Variants in DMD observed in about 807,000 individuals in gnomAD.
DMD encodes dystrophin, also known as mutant dystrophin.
DMD carries 63 observed loss-of-function variants against 330.1 expected under a neutral mutation model. The observed-to-expected ratio is 0.19, with a 90% CI of 0.16 to 0.24. The LOEUF is 0.24. Ranked by LOEUF, DMD falls within the 10% of genes least tolerant of loss-of-function variation. The probability of loss-of-function intolerance (pLI) is 1.00; values close to 1 mark genes in which losing one functional copy is unlikely to be tolerated. For synonymous variants in DMD, 1,223 were observed against 959.8 expected (o/e 1.27, Z -5.07); for missense variants, 3,344 against 2,684.1 (o/e 1.25, Z -5.43).
At chrX:32,683,421 A>G (rs1414688905) in intron 9 of DMD, among the ~76,000 whole-genome samples, 1 of 109,924 alleles carries the variant, frequency 9.1e-6, no homozygotes, top group East Asian at 2.9e-4. Context: ...AGACTGGATT[A>G]AGAAAATGTG....
chrX:31,530,563 C>T (rs961530694), intron 55 of DMD, among the ~76,000 whole-genome samples: 14 of 107,759 alleles, frequency 1.3e-4, no homozygotes, highest in African/African-American at 4.8e-4. Flanking sequence ...CATCAAGTAC[C>T]AGAGAACATC....
At position 32,336,150 on chromosome X, in the gene DMD, G is replaced by A. The variant is rs749937503; in HGVS notation, c.5922+5950C>T. Among the ~76,000 whole-genome samples, 5 of 108,423 alleles carry A rather than the reference G, an allele frequency of 4.6e-5. No individual in the cohort carries two copies. In the East Asian group the frequency reaches 1.5e-3, roughly 32 times the overall value. 94.2% of individuals were successfully genotyped at this position (108,423 alleles called of 115,157 possible). A position where few individuals can be genotyped will look rare whatever the true frequency, so the allele number is the denominator to read the frequency against. On this transcript the variant is annotated intron_variant, in intron 41 of 78. Coordinates refer to ENST00000357033, the MANE Select transcript of DMD (RefSeq NM_004006.3). ...TAACATGTGCATACGTGTATAACATGTTATCTGTGTGTGTATAACATGTGT... is the reference window on the plus strand; with the variant it reads ...TAACATGTGCATACGTGTATAACATATTATCTGTGTGTGTATAACATGTGT...
chrX:31,594,670 T>C (rs2077031890), intron 55 of DMD, among the ~76,000 whole-genome samples: 1 of 111,334 alleles, frequency 9.0e-6, no homozygotes, highest in South Asian at 3.7e-4. Flanking sequence ...TAATCTTTGG[T>C]GGGATTTACC....
At chrX:33,179,901 G>T (rs1263274091) in intron 1 of DMD, among the ~76,000 whole-genome samples, 1 of 107,303 alleles carries the variant, frequency 9.3e-6, no homozygotes, top group African/African-American at 3.4e-5. Context: ...GAGGGCAATG[G>T]CACGATCTCA....
intron 1 of DMD, among the ~76,000 whole-genome samples, chrX:33,280,084 G>A (rs181007997): frequency 5.3e-4 from 53 of 99,110 alleles, no homozygotes; most frequent in Non-Finnish European, 9.7e-4. Flanking sequence ...CTGGGCTCAA[G>A]CGATTCTCAT....
chrX:32,603,946 T>C (rs1053494180), intron 12 of DMD, among the ~76,000 whole-genome samples: 2 of 111,022 alleles, frequency 1.8e-5, no homozygotes, highest in Non-Finnish European at 3.8e-5. Context: ...ACCAATCCTA[T>C]TGTAACTGTT....
At chrX:32,436,800 C>A (rs185569343) in intron 29 of DMD, among the ~76,000 whole-genome samples, 2,465 of 109,509 alleles carry the variant, frequency 0.023, 35 homozygotes, top group South Asian at 0.071. Context: ...CACACACACA[C>A]AAATAACCGG....
In DMD at chrX:32,831,649, C is replaced by CGTGTGTGT. The variant is rs6151283; in HGVS notation, c.265-8270_265-8263dup. Among the ~76,000 whole-genome samples, 255 of 89,757 alleles carry CGTGTGTGT rather than the reference C, an allele frequency of 2.8e-3. 1 individual carries two copies. The highest frequency in any genetic ancestry group is 8.7e-3 in the African/African-American group (205 of 23,695). The allele number at this position is 89,757 out of a possible 115,157, so 77.9% of individuals were successfully genotyped here. On this transcript the variant is annotated intron_variant, in intron 4 of 78. Coordinates refer to ENST00000357033, the MANE Select transcript of DMD (RefSeq NM_004006.3). ...GAGTTACATTCCTGTAAGATATTTA[C>CGTGTGTGT]GTGTGTGTGTGTGTGTGTGTGTGTG...
intron 1 of DMD, among the ~76,000 whole-genome samples, chrX:33,150,348 G>A (rs2048224030): frequency 9.8e-6 from 1 of 101,858 alleles, no homozygotes; most frequent in Admixed American, 1.1e-4. Context: ...AGGCTGGAGT[G>A]CAGTGGCGTG....
intron 9 of DMD, among the ~76,000 whole-genome samples, chrX:32,648,698 A>G (rs888287019): frequency 2.9e-4 from 33 of 112,341 alleles, no homozygotes; most frequent in African/African-American, 1.0e-3. Flanking sequence ...TATTTTCCAT[A>G]GAGACCTTGG....
intron 21 of DMD, among the ~76,000 whole-genome samples, chrX:32,481,053 T>A (rs1454731639): frequency 1.8e-5 from 2 of 110,840 alleles, no homozygotes; most frequent in East Asian, 5.7e-4. Context: ...CACATCAAAC[T>A]TTGTTTTAAT....
At position 32,390,150 on chromosome X, in the gene DMD, A is replaced by G; in HGVS notation, c.4265T>C (p.Ile1422Thr). The change falls in exon 31 of 79, where the codon ATC (isoleucine) becomes ACC (threonine). Residue 1422 changes from isoleucine to threonine, a missense_variant. Physicochemically the swap from Ile to Thr is moderately conservative, Grantham distance 89. Coordinates refer to ENST00000357033, the MANE Select transcript of DMD (RefSeq NM_004006.3). ...KIQSDLTSHE[I>T]SLEEMKKHNQ... ...ATGTTTCTTCATTTCTTCTAAACTG[A>G]TCTCATGACTTGTCAAATCAGATTG... 9.9e-6 allele frequency: 12 copies of G among 1,208,129 alleles called. No homozygotes were observed. Among genetic ancestry groups the G allele is most frequent in the Non-Finnish European group, 1.2e-5 (11 of 892,365 alleles).
At chrX:31,448,517 C>A (rs1157131980) in intron 59 of DMD, among the ~76,000 whole-genome samples, 2 of 112,127 alleles carry the variant, frequency 1.8e-5, no homozygotes, top group Admixed American at 9.4e-5. Flanking sequence ...GGCTATATTT[C>A]ACAGATTAGA....
At chrX:32,805,654 A>T (rs1368474513) in intron 7 of DMD, among the ~76,000 whole-genome samples, 1 of 111,587 alleles carries the variant, frequency 9.0e-6, no homozygotes, top group African/African-American at 3.3e-5. Context: ...CCAAGGTTGA[A>T]ATGAAGGAAA....
chrX:31,525,884 CCT>C (rs746851030), intron 55 of DMD, among the ~76,000 whole-genome samples: 31 of 112,292 alleles, frequency 2.8e-4, no homozygotes, highest in African/African-American at 3.6e-4. Flanking sequence ...ATAAAATTCC[CCT>C]GTTTCACACT....
At chrX:31,189,714 G>A (rs1390133184) in intron 67 of DMD, among the ~76,000 whole-genome samples, 2 of 112,033 alleles carry the variant, frequency 1.8e-5, no homozygotes, top group Non-Finnish European at 3.8e-5. Flanking sequence ...ATTGAACAGT[G>A]GGTGGGAATT....
intron 34 of DMD, among the ~76,000 whole-genome samples, chrX:32,375,542 C>A (rs2097898697): frequency 8.9e-6 from 1 of 112,001 alleles, no homozygotes; most frequent in East Asian, 2.8e-4. Flanking sequence ...TTTAGACACA[C>A]AGAAAGTATA....
intron 29 of DMD, among the ~76,000 whole-genome samples, chrX:32,421,910 T>C (rs1165096363): frequency 9.0e-6 from 1 of 111,589 alleles, no homozygotes; most frequent in East Asian, 2.8e-4. Flanking sequence ...TCCGTCAACA[T>C]TGTGGTTCGG....
intron 39 of DMD, among the ~76,000 whole-genome samples, chrX:32,344,509 T>A (rs746321436): frequency 1.8e-5 from 2 of 111,140 alleles, no homozygotes; most frequent in East Asian, 5.7e-4. Flanking sequence ...ATGTTTTATG[T>A]TGAATTTTCA....
Sources: gnomAD v4.1 joint callset for allele counts (sites outside exome capture counted in the v4.1 genomes callset) on GRCh38, gnomAD v4.1.1 for gene constraint, MANE v1.5 for transcripts, NCBI Gene and HGNC (gene_info 2026-07-23, HGNC 2026-07-21) for gene names.